The following CLSTN2 variants were observed in gnomAD, a reference collection of about 807,000 sequenced individuals.
CLSTN2 encodes calsyntenin-2.
CLSTN2 carries 48 observed loss-of-function variants against 101.2 expected under a neutral mutation model. The ratio of observed to expected loss-of-function variants is 0.47; its 90% CI spans 0.38 to 0.60. The LOEUF is 0.60. Among genes scored for constraint, CLSTN2 ranks in the 20% least tolerant of loss-of-function variants. The pLI, the probability that CLSTN2 is intolerant of heterozygous loss-of-function variation, is 0.00. For synonymous variants in CLSTN2, 481 were observed against 463.6 expected, an observed-to-expected ratio of 1.04 and a Z score of -0.48; for missense variants, 1,160 against 1,238.2, an observed-to-expected ratio of 0.94 and a Z score of 0.95.
chr3:140,392,572 G>C (rs770720998), intron 2 of CLSTN2, among the ~76,000 whole-genome samples: 1 of 152,008 alleles, frequency 6.6e-6, no homozygotes, highest in Non-Finnish European at 1.5e-5. Context: ...CTAGTTTCTT[G>C]GTCATATTAG....
rs117232345 is a variant in CLSTN2 at position 140,253,912 on chromosome 3, G to A, written c.232+77839G>A. 2.3e-4 allele frequency among the ~76,000 whole-genome samples: 35 copies of A among 152,190 alleles called. No homozygotes were observed. The East Asian group carries it at 6.2e-3, about 27-fold the overall frequency. On this transcript the variant is annotated intron_variant, in intron 2 of 16. Transcript: ENST00000458420. The stretch of plus-strand genomic sequence containing the variant: ...GCTTAGTGATGTGTGTGAACTGTTA[G>A]GGCTGTGCTCAAAGCCCTGAGAAGG...
intron 2 of CLSTN2, among the ~76,000 whole-genome samples, chr3:140,229,913 C>T (rs1316534038): frequency 2.6e-5 from 4 of 152,080 alleles, no homozygotes; most frequent in Admixed American, 6.6e-5. Flanking sequence ...CCTGATCGTC[C>T]CTCTGAGCAG....
At chr3:140,214,776 G>C (rs925444825) in intron 2 of CLSTN2, among the ~76,000 whole-genome samples, 1 of 152,192 alleles carries the variant, frequency 6.6e-6, no homozygotes, top group Admixed American at 6.5e-5. Flanking sequence ...CATAGGGGAA[G>C]AAATTCAGTA....
intron 2 of CLSTN2, among the ~76,000 whole-genome samples, chr3:140,252,934 T>C (rs988100671): frequency 1.4e-4 from 21 of 152,116 alleles, no homozygotes; most frequent in Non-Finnish European, 2.1e-4. Flanking sequence ...TGTGTCTCTG[T>C]GGAAGCCAGG....
At chr3:140,083,159 C>A (rs182545064) in intron 1 of CLSTN2, among the ~76,000 whole-genome samples, 1 of 151,964 alleles carries the variant, frequency 6.6e-6, no homozygotes. Context: ...GCATTTATTA[C>A]GTTTTTTGCT....
chr3:140,029,303 A>G (rs1008199723), intron 1 of CLSTN2, among the ~76,000 whole-genome samples: 1 of 152,212 alleles, frequency 6.6e-6, no homozygotes, highest in Non-Finnish European at 1.5e-5. Flanking sequence ...TTCTTTGCCA[A>G]TTCTTTTCCT....
At chr3:140,308,178 A>G (rs2087132661) in intron 2 of CLSTN2, among the ~76,000 whole-genome samples, 1 of 152,194 alleles carries the variant, frequency 6.6e-6, no homozygotes, top group African/African-American at 2.4e-5. Context: ...TCAATCCTGG[A>G]ACACTGACAG....
chr3:140,161,745 C>A (rs2010050531), intron 1 of CLSTN2, among the ~76,000 whole-genome samples: 1 of 152,156 alleles, frequency 6.6e-6, no homozygotes, highest in Non-Finnish European at 1.5e-5. Context: ...CACACTCTTT[C>A]CTACCTGAGC....
intron 1 of CLSTN2, among the ~76,000 whole-genome samples, chr3:140,151,009 G>A (rs929251060): frequency 3.9e-5 from 6 of 152,042 alleles, no homozygotes; most frequent in East Asian, 1.9e-4. Context: ...TATCACTGAT[G>A]TTGGATTGTG....
At chr3:140,034,444 A>G (rs1323411380) in intron 1 of CLSTN2, among the ~76,000 whole-genome samples, 1 of 152,126 alleles carries the variant, frequency 6.6e-6, no homozygotes, top group Non-Finnish European at 1.5e-5. Flanking sequence ...AATTGGAATC[A>G]AAGTTTGAAA....
intron 2 of CLSTN2, among the ~76,000 whole-genome samples, chr3:140,218,243 C>T (rs1011048179): frequency 5.3e-5 from 8 of 152,306 alleles, no homozygotes; most frequent in African/African-American, 1.9e-4. Flanking sequence ...AGAAATAAAA[C>T]TCTCCCGAGC....
chr3:140,550,976 AC>A (rs925397119), intron 10 of CLSTN2, among the ~76,000 whole-genome samples: 1 of 151,896 alleles, frequency 6.6e-6, no homozygotes, highest in African/African-American at 2.4e-5. Flanking sequence ...TTTATGGAGC[AC>A]CCACTGGGGG....
intron 6 of CLSTN2, among the ~76,000 whole-genome samples, chr3:140,456,889 C>T (rs193195235): frequency 1.2e-3 from 188 of 152,126 alleles, no homozygotes; most frequent in Non-Finnish European, 2.0e-3. Context: ...ATTTTGTAAC[C>T]AATTTTGTCT....
At chr3:140,564,705 C>T (rs777960126) in intron 16 of CLSTN2, among the ~76,000 whole-genome samples, 219 of 152,332 alleles carry the variant, frequency 1.4e-3, no homozygotes, top group Non-Finnish European at 2.0e-3. Flanking sequence ...GAGTTATCAT[C>T]TTCATTTACC....
In CLSTN2 at chr3:140,517,764, TTTG is replaced by T. The variant is rs1178735773; in HGVS notation, c.1345-14557_1345-14555del. 1.9e-3 allele frequency among the ~76,000 whole-genome samples: 293 copies of T among 152,238 alleles called. 2 individuals are homozygous for T. Among genetic ancestry groups the T allele is most frequent in the African/African-American group, 5.6e-3 (232 of 41,522 alleles). ...CTCTGTTAGGATCTTTGGTTGTGGCTTTGTTTATTGTACTAATTTTGTGTTGGT... is the reference window on the plus strand; with the variant it reads ...CTCTGTTAGGATCTTTGGTTGTGGCTTTTATTGTACTAATTTTGTGTTGGT... On this transcript the variant is annotated intron_variant, in intron 8 of 16. Coordinates refer to ENST00000458420, the MANE Select transcript of CLSTN2 (RefSeq NM_022131.3).
intron 1 of CLSTN2, among the ~76,000 whole-genome samples, chr3:140,035,602 T>C (rs1191940108): frequency 6.6e-6 from 1 of 152,088 alleles, no homozygotes; most frequent in Admixed American, 6.6e-5. Context: ...TGTAGGATAA[T>C]AATAGTACCT....
Position 140,459,581 on chromosome 3 carries a change from C to T in CLSTN2, c.1034C>T (p.Ala345Val), listed in dbSNP as rs1392686582. ...CCTAGCGCTGCCACCAACTGGACTG[C>T]AGGACTGCTGGTGGACAGCAGTGAG... ...PSPSAATNWT[A>V]GLLVDSSEMI... Residue 345 changes from alanine (A) to valine (V), a missense_variant, in exon 7 of 17, where the codon GCA becomes GTA. Transcript: ENST00000458420. The T allele has an allele frequency of 6.2e-7, 1 of 1,613,966 alleles. No homozygotes were observed. The highest frequency in any genetic ancestry group is 1.3e-5 in the African/African-American group (1 of 74,916).
chr3:140,245,788 G>T (rs2086510715), intron 2 of CLSTN2, among the ~76,000 whole-genome samples: 1 of 152,160 alleles, frequency 6.6e-6, no homozygotes, highest in South Asian at 2.1e-4. Context: ...GATTCAGAAA[G>T]GTGCCAGTCT....
Position 140,403,821 on chromosome 3 carries a change from A to G in CLSTN2, c.425A>G (p.His142Arg), listed in dbSNP as rs1389155692. 1 of 1,608,406 alleles carries G rather than the reference A, an allele frequency of 6.2e-7. No individual in the cohort carries two copies. The highest frequency in any genetic ancestry group is 2.2e-5 in the East Asian group (1 of 44,762). ...GPHETAWKKS[H>R]KAVVHIQVKD... ...CACGAGACAGCCTGGAAAAAGTCAC[A>G]CAAGTGAGTGGCCTGACAGAGCCCT... is the stretch of plus-strand genomic sequence containing the variant. The change falls in exon 3 of 17, where the codon CAC (histidine) becomes CGC (arginine). Residue 142 changes from histidine (H) to arginine (R), a missense_variant. His to Arg is a conservative substitution (Grantham distance 29, BLOSUM62 0). Coordinates refer to ENST00000458420, the MANE Select transcript of CLSTN2 (RefSeq NM_022131.3).
Sources: gnomAD v4.1 joint callset for allele counts (sites outside exome capture counted in the v4.1 genomes callset) on GRCh38, gnomAD v4.1.1 for gene constraint, MANE v1.5 for transcripts, NCBI Gene and HGNC (gene_info 2026-07-23, HGNC 2026-07-21) for gene names.